Variants in SFTPD observed in about 807,000 individuals in gnomAD.
SFTPD encodes surfactant protein D.
A neutral mutation model predicts 34.6 loss-of-function variants in SFTPD; 18 were observed. The ratio of observed to expected loss-of-function variants is 0.52; its 90% confidence interval spans 0.36 to 0.77. The LOEUF is 0.77. Ranked by LOEUF, SFTPD falls within the 30% of genes least tolerant of loss-of-function variation. The pLI, the probability that SFTPD is intolerant of heterozygous loss-of-function variation, is 0.00. For missense variants in SFTPD, 433 were observed against 468.9 expected (o/e 0.92, Z 0.71); for synonymous variants, 155 against 180.9 (o/e 0.86, Z 1.15).
chr10:79,946,671 G>T lies in SFTPD; in HGVS notation c.-3-9C>A, dbSNP rs1842669053. 6.2e-7 allele frequency: 1 copy of T among 1,612,600 alleles called. No individual in the cohort carries two copies. ...AGGAAGAGCAGCATGGCCTGGAGAG[G>T]TGAACAGAAAGAGAAAAGACATGCT... is the stretch of plus-strand genomic sequence containing the variant. On this transcript the variant is annotated splice_polypyrimidine_tract_variant and intron_variant, in intron 1 of 7. Transcript: ENST00000372292.
intron 1 of SFTPD, 95 bp downstream of exon 1, chr10:79,948,971 C>T (rs192418996): frequency 4.6e-5 from 7 of 152,340 alleles, no homozygotes; most frequent in Middle Eastern, 6.8e-3. Context: ...GCTACACAGA[C>T]CCTCCACACC....
intron 1 of SFTPD, among the ~76,000 whole-genome samples, chr10:79,978,449 C>T (rs1051714739): frequency 6.6e-6 from 1 of 151,922 alleles, no homozygotes; most frequent in Non-Finnish European, 1.5e-5. Context: ...TTCAGGAGTT[C>T]AACACCAGCA....
upstream of SFTPD, chr10:79,950,439 C>T (rs1238593817): frequency 6.6e-6 from 1 of 152,176 alleles, no homozygotes; most frequent in African/African-American, 2.4e-5. Flanking sequence ...TTCATTTATG[C>T]AGCTTAGTTT....
At position 79,976,451 on chromosome 10, in the gene SFTPD, CAG is replaced by C. The variant is rs1842864693; in HGVS notation, c.36+6122_36+6123del. ...TCATATCTACTGCTCTGGGAAACCA[CAG>C]AGTTTGGGAGGGTGAGTGATAAAAT... On this transcript the variant is annotated intron_variant, in intron 1 of 5. Coordinates refer to the SFTPD transcript ENST00000444384. Among the ~76,000 whole-genome samples the C allele has an allele frequency of 2.6e-5, 4 of 152,130 alleles. No individual in the cohort carries two copies. In the South Asian group the frequency reaches 8.3e-4, roughly 32 times the overall value.
chr10:79,964,780 T>A (rs56050597), intron 1 of SFTPD, among the ~76,000 whole-genome samples: 35,110 of 152,022 alleles, frequency 0.23, 4,689 homozygotes, highest in East Asian at 0.56. Flanking sequence ...CCTGCCCAGG[T>A]CTGGCAAATT....
intron 1 of SFTPD, among the ~76,000 whole-genome samples, chr10:79,961,890 A>C (rs1300563314): frequency 1.3e-5 from 2 of 151,590 alleles, no homozygotes; most frequent in East Asian, 3.9e-4. Flanking sequence ...ACTTGGAACC[A>C]ACCCAAATGT....
At chr10:79,960,966 G>A (rs1842768895) in intron 1 of SFTPD, among the ~76,000 whole-genome samples, 1 of 152,152 alleles carries the variant, frequency 6.6e-6, no homozygotes, top group Non-Finnish European at 1.5e-5. Flanking sequence ...CAATGGAACA[G>A]AACAGAGCCC....
chr10:79,959,058 G>A (rs1842756571), intron 1 of SFTPD, among the ~76,000 whole-genome samples: 3 of 152,000 alleles, frequency 2.0e-5, no homozygotes, highest in South Asian at 4.2e-4. Flanking sequence ...GGTACATAAC[G>A]AAATGAAGGC....
rs79940063 is a variant in SFTPD, at chr10:79,943,294, T to G, written c.200-415A>C. ...TTCAGTTATTGGTCGATTTGCTCATTTATTTGTTCACTAAGAGCCATCTAT... is the reference window on the plus strand; with the variant it reads ...TTCAGTTATTGGTCGATTTGCTCATGTATTTGTTCACTAAGAGCCATCTAT... On this transcript the variant is annotated intron_variant, in intron 2 of 7. Transcript: ENST00000372292. Among the ~76,000 whole-genome samples the G allele has an allele frequency of 5.5e-4, 84 of 152,258 alleles. No homozygotes were observed. The East Asian group carries it at 0.015, about 27-fold the overall frequency.
At chr10:79,943,636 G>A (rs1842637914) in intron 2 of SFTPD, among the ~76,000 whole-genome samples, 1 of 152,210 alleles carries the variant, frequency 6.6e-6, no homozygotes. Context: ...GCATGTGGTT[G>A]TGGGTAAATT....
At chr10:79,939,517 A>C (rs929732691) in intron 7 of SFTPD, among the ~76,000 whole-genome samples, 4 of 152,238 alleles carry the variant, frequency 2.6e-5, no homozygotes, top group African/African-American at 9.6e-5. Context: ...ATGTGTGTGC[A>C]TATTTGTGTG....
intron 1 of SFTPD, 40 bp from the exon 2 acceptor site, chr10:79,946,702 T>C (rs1281959451): frequency 3.2e-6 from 5 of 1,569,430 alleles, no homozygotes; most frequent in Middle Eastern, 1.7e-4. Context: ...ATGCTTATGC[T>C]TCATGGACAT....
chr10:79,976,849 C>G (rs1842866546), intron 1 of SFTPD, among the ~76,000 whole-genome samples: 1 of 152,132 alleles, frequency 6.6e-6, no homozygotes, highest in Admixed American at 6.6e-5. Context: ...GGGAGGGACC[C>G]AGGAGGAGGT....
rs764356986 is a variant in SFTPD, at chr10:79,946,682, G to A, written c.-3-20C>T. Reference sequence around the variant, plus strand: ...CATGGCCTGGAGAGGTGAACAGAAAGAGAAAAGACATGCTTATGCTTCATG... The same window carrying A: ...CATGGCCTGGAGAGGTGAACAGAAAAAGAAAAGACATGCTTATGCTTCATG... On this transcript the variant is annotated intron_variant, in intron 1 of 7. Transcript: ENST00000372292. 1 of 1,607,490 alleles carries A rather than the reference G, an allele frequency of 6.2e-7. No homozygotes were observed. Among genetic ancestry groups the A allele is most frequent in the Non-Finnish European group, 8.5e-7 (1 of 1,175,368 alleles).
chr10:79,948,914 C>T (rs1842691079), intron 1 of SFTPD, among the ~76,000 whole-genome samples, 152 bp downstream of exon 1: 1 of 152,182 alleles, frequency 6.6e-6, no homozygotes, highest in Admixed American at 6.5e-5. Flanking sequence ...ACCATAAGAC[C>T]TCCTGTGCTC....
At chr10:79,958,580 A>C (rs1473641449) in intron 1 of SFTPD, among the ~76,000 whole-genome samples, 1 of 152,252 alleles carries the variant, frequency 6.6e-6, no homozygotes, top group Admixed American at 6.5e-5. Flanking sequence ...GATCAATTCA[A>C]CAAGAAGAGC....
chr10:79,941,045 G>C (rs1160014557), intron 6 of SFTPD, among the ~76,000 whole-genome samples: 2 of 109,824 alleles, frequency 1.8e-5, no homozygotes, highest in Non-Finnish European at 3.3e-5. Context: ...GAATATAATG[G>C]CATCTCCATT....
chr10:79,942,929 G>T, intron 2 of SFTPD, 50 bp from the exon 3 acceptor site: 1 of 1,216,696 alleles, frequency 8.2e-7, no homozygotes, highest in Non-Finnish European at 1.2e-6. Context: ...ACCCAGAAAG[G>T]GCCAGCCTCC....
In SFTPD at chr10:79,937,754, G is replaced by C; in HGVS notation, c.*98C>G. On this transcript the variant is annotated 3_prime_UTR_variant, in exon 8 of 8. Transcript: ENST00000372292. The stretch of plus-strand genomic sequence containing the variant: ...GAGAGAAGTCCTTCCCGGCACAGAT[G>C]GTCACCTTTTTATTAGGATATTGGC... The C allele has an allele frequency of 7.7e-7, 1 of 1,307,140 alleles. No individual in the cohort carries two copies. 81.0% of individuals were successfully genotyped at this position (1,307,140 alleles called of 1,614,324 possible). A position where few individuals can be genotyped will look rare whatever the true frequency, so the allele number is the denominator to read the frequency against.
Sources: allele counts gnomAD v4.1 joint callset (sites outside exome capture counted in the v4.1 genomes callset), GRCh38; gene constraint gnomAD v4.1.1; transcripts MANE v1.5; gene names NCBI Gene and HGNC (gene_info 2026-07-23, HGNC 2026-07-21).